The following TLL2 variants were observed in gnomAD, a reference collection of about 807,000 sequenced individuals.
TLL2 encodes the protein tolloid like 2.
In TLL2, 106 loss-of-function variants were observed where a neutral mutation model predicts 123.0. The ratio of observed to expected loss-of-function variants is 0.86; its 90% confidence interval spans 0.74 to 1.01. The LOEUF is 1.01. Among genes scored for constraint, TLL2 ranks in the 50% least tolerant of loss-of-function variants. The pLI, the probability that TLL2 is intolerant of heterozygous loss-of-function variation, is 0.00. For synonymous variants in TLL2, 494 were observed against 516.8 expected (o/e 0.96, Z 0.60); for missense variants, 1,332 against 1,336.7 (o/e 1.00, Z 0.06).
intron 17 of TLL2, 25 bp downstream of exon 17, chr10:96,378,942 C>G (rs184028748): frequency 8.1e-6 from 13 of 1,612,400 alleles, no homozygotes; most frequent in Non-Finnish European, 1.0e-5. Context: ...GCCCGCCCCC[C>G]CAACAACTGG....
Position 96,370,137 on chromosome 10 carries a change from G to T in TLL2, c.2841C>A (p.Gly947=), listed in dbSNP as rs531170544. 2.9e-5 allele frequency: 47 copies of T among 1,614,068 alleles called. No homozygotes were observed. In the South Asian group the frequency reaches 4.5e-4, roughly 15 times the overall value. ...TFEVEEEADC[G]YDYMEAYDGY... is the part of the protein sequence containing the mutation. ...CGTCGTAGGCTTCCATGTAGTCGTAGCCGCAGTCGGCCTCCTCCTCAACCT... is the reference window on the plus strand; with the variant it reads ...CGTCGTAGGCTTCCATGTAGTCGTATCCGCAGTCGGCCTCCTCCTCAACCT... Residue 947 remains glycine, a synonymous_variant, in exon 20 of 21, where the codon GGC becomes GGA. Transcript: ENST00000357947.
In TLL2 at chr10:96,419,030, T is replaced by A. The variant is rs75811000; in HGVS notation, c.923+1926A>T. Among the ~76,000 whole-genome samples, 3 of 152,158 alleles carry A rather than the reference T, an allele frequency of 2.0e-5. No individual in the cohort carries two copies. In the East Asian group the frequency reaches 5.8e-4, roughly 29 times the overall value. On this transcript the variant is annotated intron_variant, in intron 7 of 20. Transcript: ENST00000357947. Reference sequence around the variant, plus strand: ...ACTCCTGGATGATGGGGTGGGCCTTTGGCTATTCCCTGCACCATTTCCCAA... The same window carrying A: ...ACTCCTGGATGATGGGGTGGGCCTTAGGCTATTCCCTGCACCATTTCCCAA...
chr10:96,432,926 C>T lies in TLL2; in HGVS notation c.401G>A (p.Gly134Glu), dbSNP rs1239288748. 5 of 1,614,068 alleles carry T rather than the reference C, an allele frequency of 3.1e-6. No individual in the cohort carries two copies. In the Admixed American group the frequency reaches 6.7e-5, roughly 22 times the overall value. Residue 134 changes from glycine to glutamate, a missense_variant, in exon 4 of 21, where the codon GGG (glycine) becomes GAG (glutamate). By Grantham distance (98) the Gly-to-Glu change is moderately conservative (BLOSUM62 -2). Coordinates refer to ENST00000357947, the MANE Select transcript of TLL2 (RefSeq NM_012465.4). ...GGTCTTGGCTGCGGCATGCAAGGTC[C>T]CAGGGCTGTGCAGGAGTGTGGTATT... ...RENTTLLHSP[G>E]TLHAAAKTFS...
Position 96,508,641 on chromosome 10 carries a change from G to A in TLL2, c.175+4870C>T, listed in dbSNP as rs775167869. On this transcript the variant is annotated intron_variant, in intron 1 of 20. Coordinates refer to ENST00000357947, the MANE Select transcript of TLL2 (RefSeq NM_012465.4). Reference sequence around the variant, plus strand: ...TATACAGCATTTTCATATCATTTGAGCCTCATGTAGACAATTTTTGAGTCA... The same window carrying A: ...TATACAGCATTTTCATATCATTTGAACCTCATGTAGACAATTTTTGAGTCA... Among the ~76,000 whole-genome samples, 26 of 152,060 alleles carry A rather than the reference G, an allele frequency of 1.7e-4. 1 individual carries two copies. Among genetic ancestry groups the A allele is most frequent in the Admixed American group, 2.6e-4 (4 of 15,286 alleles).
At chr10:96,482,475 A>G (rs1039172489) in intron 1 of TLL2, among the ~76,000 whole-genome samples, 2 of 152,222 alleles carry the variant, frequency 1.3e-5, no homozygotes, top group Non-Finnish European at 2.9e-5. Context: ...ATATCTATAC[A>G]ACAGAACTAT....
chr10:96,445,485 C>A (rs1846889737), intron 3 of TLL2, among the ~76,000 whole-genome samples: 1 of 152,220 alleles, frequency 6.6e-6, no homozygotes, highest in South Asian at 2.1e-4. Context: ...AGCCAACCAG[C>A]ACCTCACCTG....
chr10:96,484,590 T>TACAC (rs56286214), intron 1 of TLL2, among the ~76,000 whole-genome samples: 4,334 of 145,976 alleles, frequency 0.03, 65 homozygotes, highest in South Asian at 0.053. Context: ...TACACATAAG[T>TACAC]ACACACACAC....
At position 96,382,493 on chromosome 10, in the gene TLL2, C is replaced by A. The variant is rs185262274; in HGVS notation, c.2194+2094G>T. On this transcript the variant is annotated intron_variant, in intron 16 of 20. Transcript: ENST00000357947. ...TGCTATGGGAACACTGGTAAAAGAA[C>A]AATCAATGTGCTAAGAGGGTGCTAC... Among the ~76,000 whole-genome samples, 1,038 of 152,352 alleles carry A rather than the reference C, an allele frequency of 6.8e-3. 5 individuals are homozygous for A. Among genetic ancestry groups the A allele is most frequent in the Non-Finnish European group, 0.01 (691 of 68,030 alleles).
intron 7 of TLL2, 89 bp downstream of exon 7, chr10:96,420,867 G>C (rs1267337680): frequency 1.8e-6 from 2 of 1,118,360 alleles, no homozygotes; most frequent in Non-Finnish European, 2.7e-6. Context: ...AGCATGCAGA[G>C]ACCCACTCTC....
Position 96,500,176 on chromosome 10 carries a change from G to A in TLL2, c.175+13335C>T, listed in dbSNP as rs866379174. 4.7e-4 allele frequency among the ~76,000 whole-genome samples: 70 copies of A among 149,498 alleles called. No individual in the cohort carries two copies. In the Middle Eastern group the frequency reaches 0.024, roughly 52 times the overall value. On this transcript the variant is annotated intron_variant, in intron 1 of 20. Transcript: ENST00000357947. ...AAAAAAAAAATACAAAAATTAGCCCGGTGTTGTGGTGCACACCTATAGTCC... is the reference window on the plus strand; with the variant it reads ...AAAAAAAAAATACAAAAATTAGCCCAGTGTTGTGGTGCACACCTATAGTCC...
chr10:96,434,839 G>A (rs747816457), intron 3 of TLL2, among the ~76,000 whole-genome samples: 26 of 151,918 alleles, frequency 1.7e-4, no homozygotes, highest in Non-Finnish European at 2.8e-4. Flanking sequence ...CCACATCCTC[G>A]TCAACACTTG....
rs201224477 is a variant in TLL2 at position 96,439,656 on chromosome 10, AT to A, written c.364+6434del. Among the ~76,000 whole-genome samples the A allele has an allele frequency of 6.5e-3, 982 of 151,790 alleles. 3 individuals are homozygous for A. Among genetic ancestry groups the A allele is most frequent in the Middle Eastern group, 0.024 (7 of 294 alleles). Reference sequence around the variant, plus strand: ...TCACTTGGGGTGGTGAAAAGGTAATATTTTTTTCAGTGTTCCTCTACTTGTA... The same window carrying A: ...TCACTTGGGGTGGTGAAAAGGTAATATTTTTTCAGTGTTCCTCTACTTGTA... On this transcript the variant is annotated intron_variant, in intron 3 of 20. Coordinates refer to ENST00000357947, the MANE Select transcript of TLL2 (RefSeq NM_012465.4).
chr10:96,505,036 A>T (rs566658467), intron 1 of TLL2, among the ~76,000 whole-genome samples: 3 of 152,110 alleles, frequency 2.0e-5, no homozygotes, highest in Non-Finnish European at 4.4e-5. Context: ...TAAATAAATA[A>T]ATAAATAAAT....
chr10:96,413,396 C>G, intron 7 of TLL2, 80 bp from the exon 8 acceptor site: 3 of 1,536,512 alleles, frequency 2.0e-6, no homozygotes, highest in Non-Finnish European at 1.8e-6. Context: ...GCTTCATTCC[C>G]TTGCCCATAA....
intron 2 of TLL2, among the ~76,000 whole-genome samples, chr10:96,469,580 C>T (rs944705977): frequency 2.6e-5 from 4 of 152,118 alleles, no homozygotes; most frequent in South Asian, 2.1e-4. Flanking sequence ...GGGCCTTCCC[C>T]GTAGGTGTGG....
intron 1 of TLL2, among the ~76,000 whole-genome samples, chr10:96,507,389 A>T (rs1471574737): frequency 1.3e-5 from 2 of 152,026 alleles, no homozygotes; most frequent in East Asian, 3.8e-4. Flanking sequence ...TTCACCCTTC[A>T]CTACTTTTGA....
chr10:96,461,516 C>T (rs1012375885), intron 2 of TLL2, among the ~76,000 whole-genome samples: 1 of 152,166 alleles, frequency 6.6e-6, no homozygotes, highest in Non-Finnish European at 1.5e-5. Flanking sequence ...AACTTCTCTC[C>T]CCAACTCCCA....
At chr10:96,494,188 C>G (rs1262520218) in intron 1 of TLL2, among the ~76,000 whole-genome samples, 3 of 152,204 alleles carry the variant, frequency 2.0e-5, no homozygotes, top group African/African-American at 7.2e-5. Context: ...CCCCTCCGCA[C>G]TGAAGATTCC....
intron 1 of TLL2, among the ~76,000 whole-genome samples, chr10:96,497,225 G>A (rs1425666057): frequency 1.3e-5 from 2 of 152,134 alleles, no homozygotes; most frequent in Non-Finnish European, 2.9e-5. Context: ...GTGAGGCAGA[G>A]GTTGCAGTAA....
Sources: gnomAD v4.1 joint callset for allele counts (sites outside exome capture counted in the v4.1 genomes callset) on GRCh38, gnomAD v4.1.1 for gene constraint, MANE v1.5 for transcripts, NCBI Gene and HGNC (gene_info 2026-07-23, HGNC 2026-07-21) for gene names.